Variants in WTAP observed in about 807,000 individuals in gnomAD.
WTAP encodes the protein WT1 associated protein, also known as pre-mRNA-splicing regulator WTAP.
In WTAP, 8 loss-of-function variants were observed where a neutral mutation model predicts 50.0. The ratio of observed to expected loss-of-function variants is 0.16; its 90% CI spans 0.09 to 0.29. The LOEUF is 0.29. Among genes scored for constraint, WTAP ranks in the 10% least tolerant of loss-of-function variants. WTAP has a pLI of 1.00. For synonymous variants in WTAP, 194 were observed against 169.0 expected, an observed-to-expected ratio of 1.15 and a Z score of -1.15; for missense variants, 295 against 470.7, an observed-to-expected ratio of 0.63 and a Z score of 3.45.
At chr6:159,730,602 G>A (rs1039074350) in intron 1 of WTAP, among the ~76,000 whole-genome samples, 9 of 152,170 alleles carry the variant, frequency 5.9e-5, no homozygotes, top group South Asian at 2.1e-4. Flanking sequence ...GCCAGATGGC[G>A]CATTTAACTT....
chr6:159,727,164 G>T (rs960319087), upstream of WTAP: 5 of 1,198,428 alleles, frequency 4.2e-6, no homozygotes, highest in South Asian at 1.5e-5. Flanking sequence ...CGGAGCTCGC[G>T]CCAGGCTCCT....
At chr6:159,731,043 A>G in intron 1 of WTAP, 1 of 152,542 alleles carries the variant, frequency 6.6e-6, no homozygotes, top group Non-Finnish European at 1.5e-5. Flanking sequence ...TGGGAGGCTG[A>G]GGCAGTAGAA....
chr6:159,726,871 G>C, upstream of WTAP: 1 of 1,289,232 alleles, frequency 7.8e-7, no homozygotes, highest in Non-Finnish European at 1.0e-6. Flanking sequence ...TCTGCTAAGA[G>C]TAAACGCCCG....
At chr6:159,734,210 TA>T (rs1778765248) in intron 1 of WTAP, among the ~76,000 whole-genome samples, 1 of 151,952 alleles carries the variant, frequency 6.6e-6, no homozygotes, top group South Asian at 2.1e-4. Flanking sequence ...GACAGGGTCT[TA>T]CCACATTGCC....
At chr6:159,747,411 A>C (rs187682760) in intron 5 of WTAP, among the ~76,000 whole-genome samples, 4 of 152,314 alleles carry the variant, frequency 2.6e-5, no homozygotes, top group Admixed American at 2.6e-4. Context: ...TCTCAAAATA[A>C]GCAGTTTGGA....
chr6:159,742,203 T>G, intron 4 of WTAP, 57 bp downstream of exon 4: 1 of 1,400,976 alleles, frequency 7.1e-7, no homozygotes, highest in Admixed American at 2.2e-5. Context: ...ATTGTTAAAA[T>G]CAAAAGGATA....
intron 3 of WTAP, 45 bp downstream of exon 3, chr6:159,739,090 T>C: frequency 6.8e-7 from 1 of 1,468,588 alleles, no homozygotes; most frequent in Non-Finnish European, 9.5e-7. Flanking sequence ...TATAGAACAT[T>C]ATATTGTGAC....
At chr6:159,728,434 A>AC (rs1235522231) in intron 1 of WTAP, among the ~76,000 whole-genome samples, 1 of 152,058 alleles carries the variant, frequency 6.6e-6, no homozygotes, top group African/African-American at 2.4e-5. Context: ...ACAAAACAAA[A>AC]AAACTATTAT....
At chr6:159,729,848 T>C (rs1030036521) in intron 1 of WTAP, among the ~76,000 whole-genome samples, 1 of 152,176 alleles carries the variant, frequency 6.6e-6, no homozygotes, top group East Asian at 1.9e-4. Context: ...TGGCTGGCGC[T>C]TGCCTCCGTT....
chr6:159,755,272 C>T lies in WTAP; in HGVS notation c.852C>T (p.Arg284=). The change falls in exon 8 of 8, where the codon CGC becomes CGT. Residue 284 remains arginine (R), a synonymous_variant. Coordinates refer to ENST00000621533, the MANE Select transcript of WTAP (RefSeq NM_001270531.2). ...TNGPSNGSSS[R]QRTSGSGFHR... ...GACCAAGTAATGGTAGCTCCTCCCG[C>T]CAGAGGACGTCTGGGTCTGGATTTC... 6.2e-7 allele frequency: 1 copy of T among 1,614,180 alleles called. No homozygotes were observed. Among genetic ancestry groups the T allele is most frequent in the Non-Finnish European group, 8.5e-7 (1 of 1,180,036 alleles).
intron 6 of WTAP, among the ~76,000 whole-genome samples, chr6:159,752,654 G>A (rs1419754062): frequency 6.6e-6 from 1 of 151,084 alleles, no homozygotes; most frequent in African/African-American, 2.5e-5. Flanking sequence ...AAAGTCTTAA[G>A]TCTTTAAAAA....
chr6:159,749,639 C>CT (rs1221724312), intron 6 of WTAP, among the ~76,000 whole-genome samples: 2 of 152,134 alleles, frequency 1.3e-5, no homozygotes, highest in East Asian at 3.8e-4. Context: ...TTTTATGACA[C>CT]TTTGTCCCAG....
chr6:159,737,482 C>T (rs1210428897), intron 2 of WTAP, among the ~76,000 whole-genome samples: 3 of 151,734 alleles, frequency 2.0e-5, no homozygotes, highest in Non-Finnish European at 2.9e-5. Flanking sequence ...ACTAATAAAG[C>T]CTTTATTTTA....
At chr6:159,743,305 C>T (rs921565586) in intron 4 of WTAP, among the ~76,000 whole-genome samples, 26 of 152,236 alleles carry the variant, frequency 1.7e-4, no homozygotes, top group African/African-American at 6.0e-4. Flanking sequence ...CCTCAGCCTC[C>T]CAAAGTGCTG....
At chr6:159,742,178 A>C in intron 4 of WTAP, 32 bp downstream of exon 4, 1 of 1,517,304 alleles carries the variant, frequency 6.6e-7, no homozygotes, top group Admixed American at 2.1e-5. Context: ...CTAAAGACTG[A>C]ATAATCTCCT....
chr6:159,753,217 G>A (rs933547773), intron 6 of WTAP: 22 of 500,466 alleles, frequency 4.4e-5, no homozygotes, highest in South Asian at 1.5e-4. Flanking sequence ...GATTATTGAT[G>A]TAATAGAAAC....
At chr6:159,742,930 G>C (rs1779351696) in intron 4 of WTAP, among the ~76,000 whole-genome samples, 1 of 152,168 alleles carries the variant, frequency 6.6e-6, no homozygotes, top group Non-Finnish European at 1.5e-5. Context: ...TAGAGCCCGG[G>C]AGGTCAAGGC....
At chr6:159,734,012 C>T (rs1778751951) in intron 1 of WTAP, among the ~76,000 whole-genome samples, 1 of 152,170 alleles carries the variant, frequency 6.6e-6, no homozygotes, top group African/African-American at 2.4e-5. Flanking sequence ...ACACAATTTA[C>T]TTAATCTGAA....
chr6:159,741,085 C>A (rs2114917922), intron 3 of WTAP, among the ~76,000 whole-genome samples: 1 of 152,192 alleles, frequency 6.6e-6, no homozygotes, highest in African/African-American at 2.4e-5. Flanking sequence ...TTAATTGTAC[C>A]TGAAGAGCAG....
Sources: gnomAD v4.1 joint callset for allele counts (sites outside exome capture counted in the v4.1 genomes callset) on GRCh38, gnomAD v4.1.1 for gene constraint, MANE v1.5 for transcripts, NCBI Gene and HGNC (gene_info 2026-07-23, HGNC 2026-07-21) for gene names.